BST1: variants seen among roughly 807,000 people sequenced by gnomAD.
BST1 encodes ADP-ribosyl cyclase/cyclic ADP-ribose hydrolase 2.
A neutral mutation model predicts 40.6 loss-of-function variants in BST1; 49 were observed. That is an observed-to-expected ratio of 1.21 (90% CI 0.96 to 1.53). BST1 has a LOEUF of 1.53. Ranked by LOEUF, BST1 falls within the 40% of genes most tolerant of loss-of-function variation. BST1 has a pLI of 0.00. For missense variants in BST1, 423 were observed against 395.9 expected (o/e 1.07, Z -0.58); for synonymous variants, 157 against 159.3 (o/e 0.99, Z 0.11).
At chr4:15,704,530 T>TA (rs1452738577) in intron 1 of BST1, among the ~76,000 whole-genome samples, 1 of 143,028 alleles carries the variant, frequency 7.0e-6, no homozygotes, top group Non-Finnish European at 1.5e-5. Flanking sequence ...GTGTGGTCTA[T>TA]AGGTGAGGGA....
In BST1 at chr4:15,723,569, C is replaced by G. The variant is rs1720942074; in HGVS notation, c.851+635C>G. 7.1e-6 allele frequency: 7 copies of G among 985,268 alleles called. No homozygotes were observed. The South Asian group carries it at 2.8e-4, about 40-fold the overall frequency. 61.0% of individuals were successfully genotyped at this position (985,268 alleles called of 1,614,324 possible). On this transcript the variant is annotated intron_variant, in intron 8 of 8. Transcript: ENST00000265016. Reference sequence around the variant, plus strand: ...GGCCCACACCACCTTTTATGTAATCCTTTCTGAGTCATGGGCTGGCTTGGT... The same window carrying G: ...GGCCCACACCACCTTTTATGTAATCGTTTCTGAGTCATGGGCTGGCTTGGT...
chr4:15,731,301 T>C, intron 8 of BST1: 1 of 510,590 alleles, frequency 2.0e-6, no homozygotes, highest in Non-Finnish European at 3.5e-6. Context: ...AGGCCAAAAA[T>C]GCATCATACT....
chr4:15,705,684 C>T (rs759306495), intron 2 of BST1, 43 bp downstream of exon 2: 3 of 1,607,396 alleles, frequency 1.9e-6, no homozygotes, highest in African/African-American at 2.7e-5. Context: ...TTCTCTGTCT[C>T]TACAGAAATG....
chr4:15,770,299 A>T, the BST1 span, among the ~76,000 whole-genome samples: 49 of 152,124 alleles, frequency 3.2e-4, no homozygotes, highest in African/African-American at 1.1e-3. Context: ...GGTGTCCCCA[A>T]ATCTGTTGTT....
downstream of BST1, among the ~76,000 whole-genome samples, chr4:15,742,077 G>A (rs937537800): frequency 6.6e-6 from 1 of 152,158 alleles, no homozygotes; most frequent in African/African-American, 2.4e-5. Flanking sequence ...GTTTTTCAGG[G>A]TTTGAGATGG....
chr4:15,710,281 T>A (rs1055923690), intron 3 of BST1, among the ~76,000 whole-genome samples: 1 of 151,866 alleles, frequency 6.6e-6, no homozygotes, highest in African/African-American at 2.4e-5. Flanking sequence ...GTGCTTTTTT[T>A]AATTTTAATT....
intron 8 of BST1, among the ~76,000 whole-genome samples, chr4:15,730,446 G>T (rs1461399633): frequency 6.6e-6 from 1 of 152,172 alleles, no homozygotes; most frequent in Non-Finnish European, 1.5e-5. Flanking sequence ...GCCATCAGTA[G>T]GAAACCTGGC....
At chr4:15,758,353 G>A in the BST1 span, among the ~76,000 whole-genome samples, 3 of 152,022 alleles carry the variant, frequency 2.0e-5, no homozygotes, top group Non-Finnish European at 4.4e-5. Context: ...ATGTCCATGT[G>A]CACTCAATAT....
intron 1 of BST1, among the ~76,000 whole-genome samples, chr4:15,704,173 G>A (rs948902158): frequency 2.8e-5 from 4 of 145,020 alleles, no homozygotes; most frequent in Non-Finnish European, 4.5e-5. Context: ...GTGGTCTAGA[G>A]GTGAGGGGTG....
downstream of BST1, among the ~76,000 whole-genome samples, chr4:15,735,724 C>T (rs1026184777): frequency 6.6e-6 from 1 of 152,186 alleles, no homozygotes; most frequent in African/African-American, 2.4e-5. Context: ...AGCCAAGGGG[C>T]GTCTCTTAGA....
At chr4:15,751,076 A>G in the BST1 span, among the ~76,000 whole-genome samples, 11 of 152,360 alleles carry the variant, frequency 7.2e-5, no homozygotes, top group African/African-American at 2.6e-4. Flanking sequence ...TACCAGAGGC[A>G]TGAATCAGGT....
the BST1 span, among the ~76,000 whole-genome samples, chr4:15,765,652 C>T: frequency 6.6e-6 from 1 of 152,038 alleles, no homozygotes; most frequent in Non-Finnish European, 1.5e-5. Flanking sequence ...ACACACCAGG[C>T]TTGCTTCTGC....
chr4:15,758,244 A>G, the BST1 span, among the ~76,000 whole-genome samples: 1 of 152,146 alleles, frequency 6.6e-6, no homozygotes, highest in African/African-American at 2.4e-5. Flanking sequence ...CTTATCACCC[A>G]GGTAGTGAGC....
chr4:15,758,466 C>T, the BST1 span, among the ~76,000 whole-genome samples: 1 of 152,134 alleles, frequency 6.6e-6, no homozygotes, highest in Non-Finnish European at 1.5e-5. Context: ...ACATCTTTTG[C>T]GGCTGTATCC....
intron 6 of BST1, among the ~76,000 whole-genome samples, chr4:15,716,025 C>T (rs923797696): frequency 1.3e-5 from 2 of 152,130 alleles, no homozygotes; most frequent in Non-Finnish European, 2.9e-5. Flanking sequence ...TCTCAGCCAG[C>T]GAAGACAGTG....
At chr4:15,719,924 A>G (rs1161593710) in intron 7 of BST1, among the ~76,000 whole-genome samples, 1 of 152,196 alleles carries the variant, frequency 6.6e-6, no homozygotes, top group Non-Finnish European at 1.5e-5. Flanking sequence ...GTGCTCTCAA[A>G]AGTTAGATGT....
chr4:15,768,874 C>T, the BST1 span, among the ~76,000 whole-genome samples: 5 of 152,140 alleles, frequency 3.3e-5, no homozygotes, highest in African/African-American at 9.7e-5. Context: ...GCCACAGACC[C>T]GTACCCAAGA....
chr4:15,715,603 T>G (rs4301112), intron 5 of BST1, 104 bp from the exon 6 acceptor site: 19 of 938,690 alleles, frequency 2.0e-5, no homozygotes, highest in Non-Finnish European at 2.9e-5. Flanking sequence ...GAAGAAAAAC[T>G]TCTAAAAGCT....
chr4:15,767,967 T>G, the BST1 span, among the ~76,000 whole-genome samples: 1 of 152,166 alleles, frequency 6.6e-6, no homozygotes, highest in Non-Finnish European at 1.5e-5. Flanking sequence ...GGAGGAGGGA[T>G]TCCCTGACTT....
Sources: gnomAD v4.1 joint callset for allele counts (sites outside exome capture counted in the v4.1 genomes callset) on GRCh38, gnomAD v4.1.1 for gene constraint, MANE v1.5 for transcripts, NCBI Gene and HGNC (gene_info 2026-07-23, HGNC 2026-07-21) for gene names.